The following CENPE variants were observed in gnomAD, a reference collection of about 807,000 sequenced individuals.
The protein encoded by CENPE is centromere protein E, also known as centromere-associated protein E.
Under a neutral mutation model 336.1 loss-of-function variants are expected in CENPE, and 145 were observed. The observed-to-expected ratio is 0.43, with a 90% CI of 0.38 to 0.50. The LOEUF (loss-of-function observed/expected upper bound fraction) is 0.50. CENPE is among the 20% of genes least tolerant of loss of function. The probability of loss-of-function intolerance (pLI) is 0.00; values close to 1 mark genes in which losing one functional copy is unlikely to be tolerated. For synonymous variants in CENPE, 1,013 were observed against 984.8 expected, an observed-to-expected ratio of 1.03 and a Z score of -0.54; for missense variants, 2,719 against 3,023.3, an observed-to-expected ratio of 0.90 and a Z score of 2.36.
At position 103,114,526 on chromosome 4, in the gene CENPE, T is replaced by G; in HGVS notation, c.7469A>C (p.Glu2490Ala). ...KEISATKATV[E>A]YQKEVIRLLR... is the part of the protein sequence containing the mutation. Reference sequence around the variant, plus strand: ...TAGCCTTATAACTTCCTTTTGATATTCTACAGTGGCTTTTGTAGCACTGAT... The same window carrying G: ...TAGCCTTATAACTTCCTTTTGATATGCTACAGTGGCTTTTGTAGCACTGAT... Residue 2490 changes from glutamate to alanine, a missense_variant, in exon 46 of 49, where the codon GAA (glutamate) becomes GCA (alanine). Glu to Ala is a moderately radical substitution (Grantham distance 107). Coordinates refer to ENST00000265148, the MANE Select transcript of CENPE (RefSeq NM_001813.3). The G allele has an allele frequency of 6.2e-7, 1 of 1,610,534 alleles. No homozygotes were observed. The highest frequency in any genetic ancestry group is 1.3e-5 in the African/African-American group (1 of 75,010).
In CENPE at chr4:103,151,163, C is replaced by CAA. The variant is rs138124371; in HGVS notation, c.3396+55_3396+56insTT. ...TTTAGGTCTACAGAAATAAAAATTA[C>CAA]CAAAAAAAAAGTTTAGTTAGAAAAA... is the stretch of plus-strand genomic sequence containing the variant. On this transcript the variant is annotated intron_variant, in intron 26 of 48. Coordinates refer to ENST00000265148, the MANE Select transcript of CENPE (RefSeq NM_001813.3). 1.8e-5 allele frequency: 27 copies of CAA among 1,524,730 alleles called. No individual in the cohort carries two copies. The African/African-American group carries it at 3.0e-4, about 17-fold the overall frequency. The allele number at this position is 1,524,730 out of a possible 1,614,324, so 94.5% of individuals were successfully genotyped here. A position where few individuals can be genotyped will look rare whatever the true frequency, so the allele number is the denominator to read the frequency against.
intron 8 of CENPE, among the ~76,000 whole-genome samples, chr4:103,187,095 T>C (rs1043491918): frequency 6.6e-6 from 1 of 152,200 alleles, no homozygotes; most frequent in South Asian, 2.1e-4. Flanking sequence ...CAGGGCTTTA[T>C]GCAAGGGAGT....
rs72946181 is a variant in CENPE, at chr4:103,185,901, T to G, written c.694-40A>C. ...AAAATAAATCCTTAGGGCAGATAAT[T>G]TGAAATAATAAAATTCAAACTACTG... On this transcript the variant is annotated intron_variant, in intron 8 of 48. Transcript: ENST00000265148. 2.0e-3 allele frequency: 2,715 copies of G among 1,387,472 alleles called. 48 individuals carry two copies. In the African/African-American group the frequency reaches 0.034, roughly 18 times the overall value. The allele number at this position is 1,387,472 out of a possible 1,614,324, so 85.9% of individuals were successfully genotyped here.
chr4:103,183,114 C>T (rs1578676758), intron 10 of CENPE, 87 bp downstream of exon 10: 1 of 1,009,862 alleles, frequency 9.9e-7, no homozygotes, highest in Non-Finnish European at 1.5e-6. Flanking sequence ...GAAATCAGTA[C>T]ATTTGAGTGT....
At chr4:103,143,569 T>C (rs993195736) in intron 33 of CENPE, among the ~76,000 whole-genome samples, 163 bp from the exon 34 acceptor site, 2 of 151,884 alleles carry the variant, frequency 1.3e-5, no homozygotes, top group African/African-American at 2.4e-5. Flanking sequence ...AGATACACTA[T>C]TCCTGAACTT....
At chr4:103,137,622 C>T (rs1752176576) in intron 39 of CENPE, among the ~76,000 whole-genome samples, 1 of 152,132 alleles carries the variant, frequency 6.6e-6, no homozygotes, top group Non-Finnish European at 1.5e-5. Context: ...ATAAACAAAA[C>T]AAAAATGTCC....
rs142953898 is a variant in CENPE, at chr4:103,127,686, G to T, written c.6925-4597C>A. ...ATTATAAGGTACTTATATTATCTGTGAAGTGGAAAGTGTTATTTGAAATTG... is the reference window on the plus strand; with the variant it reads ...ATTATAAGGTACTTATATTATCTGTTAAGTGGAAAGTGTTATTTGAAATTG... On this transcript the variant is annotated intron_variant, in intron 42 of 48. Coordinates refer to ENST00000265148, the MANE Select transcript of CENPE (RefSeq NM_001813.3). Among the ~76,000 whole-genome samples, 1,439 of 152,262 alleles carry T rather than the reference G, an allele frequency of 9.5e-3. 11 individuals carry two copies. The highest frequency in any genetic ancestry group is 0.014 in the Non-Finnish European group (950 of 67,980).
chr4:103,126,856 A>G (rs1002776306), intron 42 of CENPE, among the ~76,000 whole-genome samples: 9 of 152,146 alleles, frequency 5.9e-5, no homozygotes, highest in African/African-American at 1.4e-4. Flanking sequence ...AAATATGACA[A>G]TGGAAACTTC....
At chr4:103,121,539 T>G (rs1012944180) in intron 43 of CENPE, among the ~76,000 whole-genome samples, 1 of 150,656 alleles carries the variant, frequency 6.6e-6, no homozygotes, top group African/African-American at 2.5e-5. Flanking sequence ...AAACCATCTT[T>G]TCTTTCTTTC....
chr4:103,132,985 A>ATATATATATATATATAG, intron 41 of CENPE, 89 bp from the exon 42 acceptor site: 1 of 105,942 alleles, frequency 9.4e-6, no homozygotes, highest in Non-Finnish European at 1.7e-5. Context: ...TATATATATA[A>ATATATATATATATATAG]AATAAAAAGA....
At chr4:103,185,924 C>G in intron 8 of CENPE, 63 bp from the exon 9 acceptor site, 4 of 1,110,126 alleles carry the variant, frequency 3.6e-6, no homozygotes, top group Non-Finnish European at 1.4e-6. Context: ...ATTCAAACTA[C>G]TGAAAGAACA....
At chr4:103,148,705 C>A (rs1263908125) in intron 28 of CENPE, 139 bp downstream of exon 28, 1 of 733,578 alleles carries the variant, frequency 1.4e-6, no homozygotes, top group East Asian at 2.6e-5. Flanking sequence ...TAGGAGTGTG[C>A]CTGCCACATT....
intron 16 of CENPE, among the ~76,000 whole-genome samples, chr4:103,173,763 C>T (rs1054259376): frequency 1.3e-5 from 2 of 151,696 alleles, no homozygotes; most frequent in African/African-American, 4.8e-5. Flanking sequence ...AAGACATACA[C>T]ATAATATGTT....
chr4:103,190,313 A>G (rs1308807707), intron 8 of CENPE, among the ~76,000 whole-genome samples: 2 of 152,216 alleles, frequency 1.3e-5, no homozygotes, highest in Non-Finnish European at 2.9e-5. Flanking sequence ...ATATGGAACC[A>G]AAAAAGAGCC....
intron 40 of CENPE, 80 bp downstream of exon 40, chr4:103,136,061 C>A: frequency 8.6e-7 from 1 of 1,165,344 alleles, no homozygotes; most frequent in Non-Finnish European, 1.2e-6. Flanking sequence ...AGCAAATATG[C>A]CGGCACCTGA....
At chr4:103,195,366 C>G (rs1037147982) in intron 4 of CENPE, 133 bp from the exon 5 acceptor site, 13 of 598,570 alleles carry the variant, frequency 2.2e-5, no homozygotes, top group Non-Finnish European at 3.5e-5. Context: ...CTACTGTTGA[C>G]AAAATAATGA....
rs556705345 is a variant in CENPE at position 103,111,799 on chromosome 4, C to T, written c.7541-788G>A. ...TGCTGTGGTTATCCTGTAACAGACA[C>T]TAGGGAAGTTTAAGCTACAACAGGT... On this transcript the variant is annotated intron_variant, in intron 46 of 48. Transcript: ENST00000265148. 5.3e-5 allele frequency among the ~76,000 whole-genome samples: 8 copies of T among 152,100 alleles called. No individual in the cohort carries two copies. In the South Asian group the frequency reaches 1.5e-3, roughly 28 times the overall value.
intron 35 of CENPE, 131 bp from the exon 36 acceptor site, chr4:103,141,235 T>G: frequency 1.7e-6 from 1 of 596,310 alleles, no homozygotes; most frequent in Non-Finnish European, 2.9e-6. Flanking sequence ...CACACAGAAT[T>G]TTACTTTCTT....
In CENPE at chr4:103,159,248, T is replaced by A. The variant is rs2125969837; in HGVS notation, c.2363A>T (p.Glu788Val). The A allele has an allele frequency of 3.7e-6, 6 of 1,607,702 alleles. No homozygotes were observed. Among genetic ancestry groups the A allele is most frequent in the Non-Finnish European group, 5.1e-6 (6 of 1,176,512 alleles). Residue 788 changes from glutamate to valine, a missense_variant, in exon 22 of 49, where the codon GAG becomes GTG. Physicochemically the swap from Glu to Val is moderately radical, Grantham distance 121 (BLOSUM62 -2). Around this residue, in one of 5 missense-constraint regions of CENPE, gnomAD observed 2,437 missense variants for 2,513.3 expected, o/e 0.97. Transcript: ENST00000265148. ...TTCAAGTAAACCTTGAACTCTACTC[T>A]CCTTATGAACTACTTCAGAAAACAA... Reference protein sequence around the residue: ...DKLFSEVVHKESRVQGLLEEI... With the variant: ...DKLFSEVVHKVSRVQGLLEEI...
Sources: allele counts gnomAD v4.1 joint callset (sites outside exome capture counted in the v4.1 genomes callset), GRCh38; gene constraint gnomAD v4.1.1; regional missense constraint gnomAD v4.1.1; transcripts MANE v1.5; gene names NCBI Gene and HGNC (gene_info 2026-07-23, HGNC 2026-07-21).